PCDHGB2: variants seen among roughly 807,000 people sequenced by gnomAD.
PCDHGB2 encodes the protein protocadherin gamma subfamily B, 2.
A neutral mutation model predicts 59.3 loss-of-function variants in PCDHGB2; 55 were observed. The ratio of observed to expected loss-of-function variants is 0.93; its 90% CI spans 0.75 to 1.16. The LOEUF is 1.16. Among genes scored for constraint, PCDHGB2 ranks in the 50% most tolerant of loss-of-function variants. The pLI, the probability that PCDHGB2 is intolerant of heterozygous loss-of-function variation, is 0.00. For synonymous variants in PCDHGB2, 516 were observed against 512.0 expected (o/e 1.01, Z -0.11); for missense variants, 1,228 against 1,198.5 (o/e 1.02, Z -0.36).
At chr5:141,362,673 A>T (rs1474121770) in intron 1 of PCDHGB2, 117 bp downstream of exon 1, 1 of 1,246,170 alleles carries the variant, frequency 8.0e-7, no homozygotes, top group African/African-American at 1.5e-5. Context: ...GTTGTGCCTT[A>T]ATTGTCTTAA....
chr5:141,400,453 C>G, intron 1 of PCDHGB2: 2 of 1,614,056 alleles, frequency 1.2e-6, no homozygotes, highest in South Asian at 2.2e-5. Flanking sequence ...ACAAGACATA[C>G]TTTGTGGTGA....
At chr5:141,404,614 C>T in intron 1 of PCDHGB2, 5 of 1,614,078 alleles carry the variant, frequency 3.1e-6, no homozygotes, top group Non-Finnish European at 4.2e-6. Context: ...TTGTTTTGGA[C>T]CAGAATGACA....
At chr5:141,389,655 G>A in intron 1 of PCDHGB2, 1 of 1,612,562 alleles carries the variant, frequency 6.2e-7, no homozygotes, top group South Asian at 1.1e-5. Flanking sequence ...CAAGGTAGTG[G>A]CGGTGGACGC....
rs1381834832 is a variant in PCDHGB2 at position 141,362,237 on chromosome 5, T to C, written c.2102T>C (p.Val701Ala). ...GTTGTGGCCTTGGCCTTGATCTCAG[T>C]GCTCTTCTTCCTCGCGGTGATTCTG... is the stretch of plus-strand genomic sequence containing the variant. ...YLVVALALIS[V>A]LFFLAVILAI... The change falls in exon 1 of 4, where the codon GTG (valine) becomes GCG (alanine). Residue 701 changes from valine (V) to alanine (A), a missense_variant. Val to Ala is a moderately conservative substitution (Grantham distance 64, BLOSUM62 0). Around this residue, in one of 3 missense-constraint regions of PCDHGB2, gnomAD observed 433 missense variants for 441.8 expected, o/e 0.98. Coordinates refer to ENST00000522605, the MANE Select transcript of PCDHGB2 (RefSeq NM_018923.3). 1.9e-6 allele frequency: 3 copies of C among 1,614,026 alleles called. No individual in the cohort carries two copies. The highest frequency in any genetic ancestry group is 2.5e-6 in the Non-Finnish European group (3 of 1,179,892).
intron 1 of PCDHGB2, among the ~76,000 whole-genome samples, chr5:141,463,539 C>T (rs1408887405): frequency 6.7e-6 from 1 of 148,606 alleles, no homozygotes; most frequent in Admixed American, 6.8e-5. Context: ...AACTCCGGCT[C>T]CCGGGTTCAT....
intron 1 of PCDHGB2, chr5:141,383,689 G>T (rs773858539): frequency 1.9e-6 from 3 of 1,614,036 alleles, no homozygotes; most frequent in Non-Finnish European, 2.5e-6. Flanking sequence ...ACTGCTCACG[G>T]TACATGCTAT....
At chr5:141,384,579 C>T (rs746315101) in intron 1 of PCDHGB2, 13 of 1,614,128 alleles carry the variant, frequency 8.1e-6, no homozygotes, top group African/African-American at 8.0e-5. Flanking sequence ...ACAACCCGCC[C>T]GAGATCCTGT....
At position 141,473,628 on chromosome 5, in the gene PCDHGB2, A is replaced by T. The variant is rs533175704; in HGVS notation, c.2422-21179A>T. The stretch of plus-strand genomic sequence containing the variant: ...AAAGCAAAGGGAGGGAGGAAAAAGC[A>T]GCTTTCCTGGCAAAGGAACAATTTG... On this transcript the variant is annotated intron_variant, in intron 1 of 3. Transcript: ENST00000522605. 4.6e-5 allele frequency among the ~76,000 whole-genome samples: 7 copies of T among 152,334 alleles called. No individual in the cohort carries two copies. In the South Asian group the frequency reaches 1.4e-3, roughly 32 times the overall value.
chr5:141,502,308 C>T (rs928137926), intron 2 of PCDHGB2, among the ~76,000 whole-genome samples: 2 of 151,586 alleles, frequency 1.3e-5, no homozygotes, highest in Non-Finnish European at 2.9e-5. Flanking sequence ...CTTTCCTCTC[C>T]TTTAATCTGG....
chr5:141,374,701 C>CA (rs1561563973), intron 1 of PCDHGB2: 1 of 1,608,962 alleles, frequency 6.2e-7, no homozygotes, highest in South Asian at 1.1e-5. Context: ...AAGGAGAAGC[C>CA]GTTTACCGCC....
intron 1 of PCDHGB2, chr5:141,375,567 C>A (rs767430191): frequency 1.2e-6 from 2 of 1,614,076 alleles, no homozygotes. Flanking sequence ...GCAGAAGACA[C>A]CCTCCAGGGG....
intron 1 of PCDHGB2, chr5:141,371,927 C>T (rs750914672): frequency 1.9e-6 from 3 of 1,613,208 alleles, no homozygotes. Context: ...GCGCGCGGAG[C>T]GGGGTGGTGT....
chr5:141,490,544 A>G lies in PCDHGB2; in HGVS notation c.2422-4263A>G. 6.2e-7 allele frequency: 1 copy of G among 1,614,120 alleles called. No individual in the cohort carries two copies. Among genetic ancestry groups the G allele is most frequent in the Non-Finnish European group, 8.5e-7 (1 of 1,180,028 alleles). ...AGCGATGCTGGTTCACCTTCCCTAC[A>G]CAAACATCTCACCATCAGGCTCAAC... On this transcript the variant is annotated intron_variant, in intron 1 of 3. Transcript: ENST00000522605. This position sits in a 1 kb window ranked among gnomAD's most constrained non-coding sequence, Gnocchi z 5.4.
chr5:141,445,537 G>A (rs1266179512), intron 1 of PCDHGB2, among the ~76,000 whole-genome samples: 1 of 152,182 alleles, frequency 6.6e-6, no homozygotes, highest in African/African-American at 2.4e-5. Flanking sequence ...AAGCCAACAA[G>A]GAGAAATACA....
intron 3 of PCDHGB2, among the ~76,000 whole-genome samples, chr5:141,506,444 C>T (rs542906499): frequency 2.1e-5 from 2 of 95,022 alleles, no homozygotes; most frequent in South Asian, 3.6e-4. Flanking sequence ...CGCTCTGTCT[C>T]AAAAAAAAAA....
intron 1 of PCDHGB2, chr5:141,384,387 C>A (rs774707320): frequency 6.2e-7 from 1 of 1,613,950 alleles, no homozygotes; most frequent in Admixed American, 1.7e-5. Context: ...AAGACACCAT[C>A]CAGGGGGCTC....
rs1363008017 is a variant in PCDHGB2, at chr5:141,413,215, T to A, written c.2421+50659T>A. ...GAATCGCTCAAAGGAATCAAAGGATTGCAGCGGGCTGGTCCTGCTCTGCCT... is the reference window on the plus strand; with the variant it reads ...GAATCGCTCAAAGGAATCAAAGGATAGCAGCGGGCTGGTCCTGCTCTGCCT... On this transcript the variant is annotated intron_variant, in intron 1 of 3. Coordinates refer to ENST00000522605, the MANE Select transcript of PCDHGB2 (RefSeq NM_018923.3). 6 of 1,613,232 alleles carry A rather than the reference T, an allele frequency of 3.7e-6. No individual in the cohort carries two copies. The African/African-American group carries it at 8.0e-5, about 22-fold the overall frequency.
rs549801775 is a variant in PCDHGB2 at position 141,419,346 on chromosome 5, T to C, written c.2421+56790T>C. The C allele has an allele frequency of 6.2e-7, 1 of 1,613,828 alleles. No individual in the cohort carries two copies. The highest frequency in any genetic ancestry group is 2.2e-5 in the East Asian group (1 of 44,886). ...TCCTACTCTCTCATTGCCAGCGACCTGGAGTCACGAACGCTGTCGTCCTAC... is the reference window on the plus strand; with the variant it reads ...TCCTACTCTCTCATTGCCAGCGACCCGGAGTCACGAACGCTGTCGTCCTAC... On this transcript the variant is annotated intron_variant, in intron 1 of 3. Coordinates refer to ENST00000522605, the MANE Select transcript of PCDHGB2 (RefSeq NM_018923.3).
At chr5:141,363,078 A>G (rs1338723050) in intron 1 of PCDHGB2, among the ~76,000 whole-genome samples, 1 of 152,256 alleles carries the variant, frequency 6.6e-6, no homozygotes. Flanking sequence ...TGGAATCACA[A>G]ATGTATTTCT....
Sources: allele counts gnomAD v4.1 joint callset (sites outside exome capture counted in the v4.1 genomes callset), GRCh38; gene constraint gnomAD v4.1.1; regional missense constraint gnomAD v4.1.1; non-coding constraint Gnocchi (gnomAD v3.1); transcripts MANE v1.5; gene names NCBI Gene and HGNC (gene_info 2026-07-23, HGNC 2026-07-21).